NF1: variants seen among roughly 807,000 people sequenced by gnomAD.
The protein encoded by NF1 is neurofibromin 1.
A neutral mutation model predicts 325.7 loss-of-function variants in NF1; 122 were observed. The observed-to-expected ratio is 0.37, with a 90% CI of 0.32 to 0.44. The LOEUF (loss-of-function observed/expected upper bound fraction) is 0.44. Among genes scored for constraint, NF1 ranks in the 20% least tolerant of loss-of-function variants. The pLI, the probability that NF1 is intolerant of heterozygous loss-of-function variation, is 1.00. For synonymous variants in NF1, 1,091 were observed against 1,186.0 expected, an observed-to-expected ratio of 0.92 and a Z score of 1.65; for missense variants, 2,140 against 3,415.4, an observed-to-expected ratio of 0.63 and a Z score of 9.31.
Position 31,374,339 on chromosome 17 carries a change from C to T in NF1, c.*184C>T. 1 of 742,538 alleles carries T rather than the reference C, an allele frequency of 1.3e-6. No homozygotes were observed. The highest frequency in any genetic ancestry group is 1.7e-5 in the South Asian group (1 of 59,556). The allele number at this position is 742,538 out of a possible 1,614,324, so 46.0% of individuals were successfully genotyped here. A position where few individuals can be genotyped will look rare whatever the true frequency, so the allele number is the denominator to read the frequency against. On this transcript the variant is annotated 3_prime_UTR_variant, in exon 58 of 58. Coordinates refer to ENST00000358273, the MANE Select transcript of NF1 (RefSeq NM_001042492.3). Reference sequence around the variant, plus strand: ...AAGCCTTGCCTAAATTTAATGCTGCCTTTTCTTTAACTTTTTTTCTTCTAC... The same window carrying T: ...AAGCCTTGCCTAAATTTAATGCTGCTTTTTCTTTAACTTTTTTTCTTCTAC...
At chr17:31,335,710 G>A (rs528430647) in intron 40 of NF1, among the ~76,000 whole-genome samples, 6 of 151,334 alleles carry the variant, frequency 4.0e-5, no homozygotes, top group Non-Finnish European at 8.8e-5. Flanking sequence ...ACTGAGTCTC[G>A]CTCTGTCACC....
At chr17:31,226,843 A>G (rs1408535951) in intron 18 of NF1, among the ~76,000 whole-genome samples, 159 bp downstream of exon 18, 1 of 152,246 alleles carries the variant, frequency 6.6e-6, no homozygotes, top group Non-Finnish European at 1.5e-5. Context: ...GAAAATAAAA[A>G]GCATTTGAAA....
chr17:31,271,485 C>T (rs1201734088), intron 36 of NF1, among the ~76,000 whole-genome samples: 1 of 152,162 alleles, frequency 6.6e-6, no homozygotes, highest in Non-Finnish European at 1.5e-5. Flanking sequence ...GGCATGGTGG[C>T]TCACACCTGT....
intron 29 of NF1, among the ~76,000 whole-genome samples, chr17:31,243,018 A>G (rs1019007326): frequency 2.6e-5 from 4 of 152,092 alleles, no homozygotes; most frequent in Non-Finnish European, 5.9e-5. Context: ...TTTAGGGGAC[A>G]CTCCAAGCCC....
At position 31,230,299 on chromosome 17, in the gene NF1, A is replaced by C. The variant is rs1405071456; in HGVS notation, c.3030A>C (p.Gln1010His). ...TTGGGAATATGGTCCATGCAATTCA[A>C]ATAAAAACGAAACTGTGTCAATTAG... Reference protein sequence around the residue: ...RVLGNMVHAIQIKTKLCQLVE... With the variant: ...RVLGNMVHAIHIKTKLCQLVE... The change falls in exon 23 of 58, where the codon CAA (glutamine) becomes CAC (histidine). Residue 1010 changes from glutamine to histidine, a missense_variant. By Grantham distance (24) the Gln-to-His change is conservative. Transcript: ENST00000358273. 2 of 1,613,372 alleles carry C rather than the reference A, an allele frequency of 1.2e-6. No individual in the cohort carries two copies. Among genetic ancestry groups the C allele is most frequent in the East Asian group, 2.2e-5 (1 of 44,814 alleles).
In NF1 at chr17:31,235,151, G is replaced by C. The variant is rs2067178550; in HGVS notation, c.3709-460G>C. On this transcript the variant is annotated intron_variant, in intron 27 of 57. Transcript: ENST00000358273. The stretch of plus-strand genomic sequence containing the variant: ...CCTATAGTCTTTCTGTTTTTGTTGT[G>C]TCTCTGCCTAGTATATATTCAGTAT... 3.9e-5 allele frequency among the ~76,000 whole-genome samples: 6 copies of C among 152,078 alleles called. No homozygotes were observed. The South Asian group carries it at 1.2e-3, about 32-fold the overall frequency.
chr17:31,252,896 A>G (rs2151455882), intron 30 of NF1, 42 bp from the exon 31 acceptor site: 2 of 1,504,240 alleles, frequency 1.3e-6, no homozygotes, highest in Non-Finnish European at 1.9e-6. Context: ...TGCTGTATGT[A>G]GTCGGTGCTG....
intron 1 of NF1, among the ~76,000 whole-genome samples, chr17:31,132,727 C>T (rs190074212): frequency 2.6e-4 from 40 of 152,062 alleles, no homozygotes; most frequent in African/African-American, 8.7e-4. Flanking sequence ...AGTACAGTGG[C>T]GTGATCTCAG....
intron 1 of NF1, among the ~76,000 whole-genome samples, chr17:31,116,413 G>A (rs1475713104): frequency 6.6e-6 from 1 of 152,092 alleles, no homozygotes; most frequent in East Asian, 1.9e-4. Flanking sequence ...GTGGAGTGGT[G>A]TATATGTTTC....
intron 36 of NF1, among the ~76,000 whole-genome samples, chr17:31,309,098 T>C (rs910381530): frequency 3.9e-5 from 6 of 152,346 alleles, no homozygotes; most frequent in Non-Finnish European, 7.4e-5. Flanking sequence ...TCAAATGAGT[T>C]AAGCAGTTTG....
At chr17:31,257,312 C>T (rs935870059) in intron 31 of NF1, among the ~76,000 whole-genome samples, 15 of 152,162 alleles carry the variant, frequency 9.9e-5, no homozygotes, top group South Asian at 8.3e-4. Context: ...GCAGTTTAGC[C>T]GCACTAAGCA....
chr17:31,287,997 G>C (rs538791428), intron 36 of NF1, among the ~76,000 whole-genome samples: 44 of 150,334 alleles, frequency 2.9e-4, no homozygotes, highest in Non-Finnish European at 5.5e-4. Context: ...CGAGTTAGTG[G>C]GTGCAGCACA....
At chr17:31,216,603 C>T (rs2066823323) in intron 13 of NF1, among the ~76,000 whole-genome samples, 1 of 152,102 alleles carries the variant, frequency 6.6e-6, no homozygotes, top group Non-Finnish European at 1.5e-5. Context: ...CTGATCATTT[C>T]TCCACACTGA....
chr17:31,229,500 G>A (rs2151429954), intron 21 of NF1, 35 bp downstream of exon 21: 1 of 1,580,532 alleles, frequency 6.3e-7, no homozygotes, highest in Non-Finnish European at 8.7e-7. Flanking sequence ...CTTTCTCTAT[G>A]AATAGAGTGA....
At chr17:31,111,096 T>G (rs994892504) in intron 1 of NF1, among the ~76,000 whole-genome samples, 1 of 151,960 alleles carries the variant, frequency 6.6e-6, no homozygotes, top group African/African-American at 2.4e-5. Context: ...AATAATTAAT[T>G]GACATTAATC....
At chr17:31,304,215 AAG>A (rs754399376) in intron 36 of NF1, 4 of 1,505,942 alleles carry the variant, frequency 2.7e-6, no homozygotes, top group Middle Eastern at 1.8e-4. Flanking sequence ...ATAAAGAAAA[AAG>A]AGTCATTTGA....
At chr17:31,260,274 A>T (rs2151464210) in intron 33 of NF1, 95 bp from the exon 34 acceptor site, 1 of 1,255,278 alleles carries the variant, frequency 8.0e-7, no homozygotes, top group Non-Finnish European at 1.2e-6. Context: ...TTGTAATCTT[A>T]GTTACTTCAC....
chr17:31,191,362 C>A (rs978055254), intron 8 of NF1, among the ~76,000 whole-genome samples: 1 of 152,050 alleles, frequency 6.6e-6, no homozygotes, highest in Non-Finnish European at 1.5e-5. Flanking sequence ...TATAATAGCG[C>A]AAATTTGAAA....
intron 36 of NF1, among the ~76,000 whole-genome samples, chr17:31,266,583 C>A (rs2067794007): frequency 6.6e-6 from 1 of 152,094 alleles, no homozygotes; most frequent in Non-Finnish European, 1.5e-5. Flanking sequence ...TATTCTAACC[C>A]CAACCTTTAA....
Sources: allele counts gnomAD v4.1 joint callset (sites outside exome capture counted in the v4.1 genomes callset), GRCh38; gene constraint gnomAD v4.1.1; transcripts MANE v1.5; gene names NCBI Gene and HGNC (gene_info 2026-07-23, HGNC 2026-07-21).